TYRP1: variants seen among roughly 807,000 people sequenced by gnomAD.
The protein encoded by TYRP1 is 5,6-dihydroxyindole-2-carboxylic acid oxidase.
In TYRP1, 49 loss-of-function variants were observed where a neutral mutation model predicts 42.8. The ratio of observed to expected loss-of-function variants is 1.14; its 90% CI spans 0.91 to 1.45. TYRP1 has a LOEUF of 1.45. TYRP1 is among the 40% of genes most tolerant of loss of function. The pLI, the probability that TYRP1 is intolerant of heterozygous loss-of-function variation, is 0.00. For synonymous variants in TYRP1, 279 were observed against 235.4 expected (o/e 1.19, Z -1.69); for missense variants, 848 against 662.0 (o/e 1.28, Z -3.08).
At chr9:12,708,366 C>T (rs1246420209) in intron 7 of TYRP1, among the ~76,000 whole-genome samples, 3 of 151,874 alleles carry the variant, frequency 2.0e-5, no homozygotes, top group South Asian at 4.1e-4. Flanking sequence ...TCATTTAATC[C>T]TCACAATGCT....
chr9:12,708,995 CTGAGA>C lies in TYRP1; in HGVS notation c.1429_1433del (p.Glu477AsnfsTer31), dbSNP rs1254656494. ...CAAATAGGTCGGGAGTTTAGTGTAC[CTGAGA>C]TAATTGCCATAGCAGTAGTTGGCGC... On this transcript the variant is annotated frameshift_variant, in exon 8 of 8. Coordinates refer to ENST00000388918, the MANE Select transcript of TYRP1 (RefSeq NM_000550.3). LOFTEE classifies it low-confidence loss of function (END_TRUNC). 1.2e-6 allele frequency: 2 copies of C among 1,612,226 alleles called. No homozygotes were observed. The highest frequency in any genetic ancestry group is 2.7e-5 in the African/African-American group (2 of 74,756).
rs990957770 is a variant in TYRP1 at position 12,702,280 on chromosome 9, A to G, written c.923A>G (p.Asp308Gly). Residue 308 changes from aspartate (D) to glycine (G), a missense_variant, in exon 5 of 8, where the codon GAT becomes GGT. Asp to Gly is a moderately conservative substitution (Grantham distance 94). Transcript: ENST00000388918. ...TLGTLCNSTE[D>G]GPIRRNPAGN... ...CCATTTTTTTCTGCAGGCACCGAGGATGGGCCAATTAGGAGAAATCCAGCT... is the reference window on the plus strand; with the variant it reads ...CCATTTTTTTCTGCAGGCACCGAGGGTGGGCCAATTAGGAGAAATCCAGCT... 4.3e-6 allele frequency: 7 copies of G among 1,612,932 alleles called. No individual in the cohort carries two copies. The highest frequency in any genetic ancestry group is 5.9e-6 in the Non-Finnish European group (7 of 1,179,372).
rs1818229100 is a variant in TYRP1, at chr9:12,704,644, T to A, written c.1200T>A (p.Phe400Leu). 2.5e-6 allele frequency: 4 copies of A among 1,613,216 alleles called. No homozygotes were observed. In the South Asian group the frequency reaches 3.3e-5, roughly 13 times the overall value. ...ATTTGTCTCCAAATGATCCTATTTT[T>A]GTCCTCCTGCACACCTTCACAGATG... ...QTHLSPNDPI[F>L]VLLHTFTDAV... The change falls in exon 6 of 8, where the codon TTT becomes TTA. Residue 400 changes from phenylalanine to leucine, a missense_variant. Transcript: ENST00000388918.
chr9:12,703,883 A>ATGTGTATG (rs1554648024), intron 5 of TYRP1, among the ~76,000 whole-genome samples: 1 of 143,432 alleles, frequency 7.0e-6, no homozygotes. Context: ...ATATATATAT[A>ATGTGTATG]TGTGTGTGTG....
chr9:12,702,362 G>T lies in TYRP1; in HGVS notation c.1005G>T (p.Gln335His). The T allele has an allele frequency of 6.2e-7, 1 of 1,613,168 alleles. No homozygotes were observed. Among genetic ancestry groups the T allele is most frequent in the Non-Finnish European group, 8.5e-7 (1 of 1,179,504 alleles). ...QRLPEPQDVA[Q>H]CLEVGLFDTP... Reference sequence around the variant, plus strand: ...TTCCTGAACCACAGGATGTCGCTCAGTGCTTGGAAGTTGGTTTATTTGACA... The same window carrying T: ...TTCCTGAACCACAGGATGTCGCTCATTGCTTGGAAGTTGGTTTATTTGACA... The change falls in exon 5 of 8, where the codon CAG (glutamine) becomes CAT (histidine). Residue 335 changes from glutamine to histidine, a missense_variant. Coordinates refer to ENST00000388918, the MANE Select transcript of TYRP1 (RefSeq NM_000550.3).
chr9:12,704,748 A>T (rs749311565), intron 6 of TYRP1, 43 bp downstream of exon 6: 1 of 1,581,996 alleles, frequency 6.3e-7, no homozygotes, highest in Non-Finnish European at 8.7e-7. Context: ...AGCTGGGCGG[A>T]TTGTTTAGAT....
intron 6 of TYRP1, among the ~76,000 whole-genome samples, chr9:12,705,170 AAGT>A (rs1195980441): frequency 1.6e-4 from 25 of 152,200 alleles, no homozygotes; most frequent in African/African-American, 5.5e-4. Flanking sequence ...TCCACTTGAA[AAGT>A]TAATGTTGGC....
chr9:12,708,011 C>A lies in TYRP1; in HGVS notation c.1276C>A (p.Pro426Thr). 1 of 1,611,712 alleles carries A rather than the reference C, an allele frequency of 6.2e-7. No individual in the cohort carries two copies. The highest frequency in any genetic ancestry group is 8.5e-7 in the Non-Finnish European group (1 of 1,178,558). The change falls in exon 7 of 8, where the codon CCA becomes ACA. Residue 426 changes from proline (P) to threonine (T), a missense_variant. Pro to Thr is a conservative substitution (Grantham distance 38, BLOSUM62 -1). Transcript: ENST00000388918. Reference protein sequence around the residue: ...RRYNADISTFPLENAPIGHNR... With the variant: ...RRYNADISTFTLENAPIGHNR... The stretch of plus-strand genomic sequence containing the variant: ...GAATAATTTAGATATATCCACATTT[C>A]CATTGGAAAATGCCCCTATTGGACA...
chr9:12,707,843 C>A, intron 6 of TYRP1, 154 bp from the exon 7 acceptor site: 1 of 674,090 alleles, frequency 1.5e-6, no homozygotes, highest in Non-Finnish European at 2.5e-6. Flanking sequence ...ATTTCTCATC[C>A]TGCTGTAGTG....
chr9:12,704,520 G>T lies in TYRP1; in HGVS notation c.1082-6G>T. On this transcript the variant is annotated splice_polypyrimidine_tract_variant and splice_region_variant and intron_variant, in intron 5 of 7. Transcript: ENST00000388918. ...TTTACTATTCTCCTCCTTACCATGTGTCTAGGTTACAGTGACCCCACGGGA... is the reference window on the plus strand; with the variant it reads ...TTTACTATTCTCCTCCTTACCATGTTTCTAGGTTACAGTGACCCCACGGGA... The T allele has an allele frequency of 6.2e-7, 1 of 1,610,846 alleles. No homozygotes were observed. Among genetic ancestry groups the T allele is most frequent in the South Asian group, 1.1e-5 (1 of 91,052 alleles).
chr9:12,704,561 G>A lies in TYRP1; in HGVS notation c.1117G>A (p.Val373Ile), dbSNP rs146467307. ...SDPTGKYDPAVRSLHNLAHLF... is the reference protein window; with the variant it reads ...SDPTGKYDPAIRSLHNLAHLF... ...CCCCACGGGAAAGTATGACCCTGCT[G>A]TTCGAAGTCTTCACAATTTGGCTCA... The change falls in exon 6 of 8, where the codon GTT becomes ATT. Residue 373 changes from valine to isoleucine, a missense_variant. Val to Ile is a conservative substitution (Grantham distance 29). Transcript: ENST00000388918. 5.6e-4 allele frequency: 911 copies of A among 1,612,924 alleles called. 3 individuals are homozygous for A. In the African/African-American group the frequency reaches 0.011, roughly 19 times the overall value.
In TYRP1 at chr9:12,710,017, C is replaced by CTTAA. The variant is rs1586848926; in HGVS notation, c.*838_*841dup. On this transcript the variant is annotated 3_prime_UTR_variant, in exon 8 of 8. Transcript: ENST00000388918. ...TATAAATAGTATTCCAATCACTGTG[C>CTTAA]TTAATTTAAATAGCATTATCTTATC... 1 of 151,724 alleles carries CTTAA rather than the reference C, an allele frequency of 6.6e-6. No homozygotes were observed. Among genetic ancestry groups the CTTAA allele is most frequent in the African/African-American group, 2.4e-5 (1 of 41,382 alleles). The allele number at this position is 151,724 out of a possible 1,614,324, so 9.4% of individuals were successfully genotyped here. A position where few individuals can be genotyped will look rare whatever the true frequency, so the allele number is the denominator to read the frequency against.
rs1818043735 is a variant in TYRP1, at chr9:12,694,371, G to C, written c.375G>C (p.Arg125Ser). The C allele has an allele frequency of 6.2e-7, 1 of 1,613,758 alleles. No individual in the cohort carries two copies. Residue 125 changes from arginine (R) to serine (S), a missense_variant, in exon 2 of 8, where the codon AGG becomes AGC. Arg to Ser is a moderately radical substitution (Grantham distance 110). Coordinates refer to ENST00000388918, the MANE Select transcript of TYRP1 (RefSeq NM_000550.3). Reference protein sequence around the residue: ...PGWRGAACDQRVLIVRRNLLD... With the variant: ...PGWRGAACDQSVLIVRRNLLD... ...GGAGAGGAGCTGCCTGTGACCAGAGGGTTCTCATAGGTAAGTGGAGATATG... is the reference window on the plus strand; with the variant it reads ...GGAGAGGAGCTGCCTGTGACCAGAGCGTTCTCATAGGTAAGTGGAGATATG...
At chr9:12,698,328 T>G in intron 3 of TYRP1, 123 bp from the exon 4 acceptor site, 1 of 952,080 alleles carries the variant, frequency 1.1e-6, no homozygotes, top group African/African-American at 1.6e-5. Context: ...ACCGTTGATA[T>G]ACTAACCAGT....
chr9:12,709,838 C>T lies in TYRP1; in HGVS notation c.*656C>T, dbSNP rs1031225292. On this transcript the variant is annotated 3_prime_UTR_variant, in exon 8 of 8. Transcript: ENST00000388918. ...GGAAAATCTTCACTTTCTTAAGCAA[C>T]AATGGATATTGCCTGTGTTTGCCAC... 3 of 153,506 alleles carry T rather than the reference C, an allele frequency of 2.0e-5. No individual in the cohort carries two copies. The highest frequency in any genetic ancestry group is 4.3e-5 in the Non-Finnish European group (3 of 68,984). The allele number at this position is 153,506 out of a possible 1,614,324, so 9.5% of individuals were successfully genotyped here.
In TYRP1 at chr9:12,698,593, C is replaced by T. The variant is rs1818115717; in HGVS notation, c.851C>T (p.Ser284Phe). 4 of 1,613,698 alleles carry T rather than the reference C, an allele frequency of 2.5e-6. No individual in the cohort carries two copies. The highest frequency in any genetic ancestry group is 3.3e-5 in the Admixed American group (2 of 59,936). ...STLISPNSVF[S>F]QWRVVCDSLE... ...CTAATAAGCCCAAACTCTGTCTTTT[C>T]TCAATGGCGAGTGGTCTGTGACTCC... Residue 284 changes from serine (S) to phenylalanine (F), a missense_variant, in exon 4 of 8, where the codon TCT (serine) becomes TTT (phenylalanine). Ser to Phe is a radical substitution (Grantham distance 155). Transcript: ENST00000388918.
At chr9:12,699,034 T>C (rs189804634) in intron 4 of TYRP1, among the ~76,000 whole-genome samples, 6 of 151,752 alleles carry the variant, frequency 4.0e-5, no homozygotes, top group East Asian at 1.9e-4. Context: ...ATGTGAAAAA[T>C]AGGCAAAAAG....
At position 12,709,438 on chromosome 9, in the gene TYRP1, T is replaced by A; in HGVS notation, c.*256T>A. 2.1e-6 allele frequency: 1 copy of A among 484,604 alleles called. No homozygotes were observed. Among genetic ancestry groups the A allele is most frequent in the South Asian group, 2.2e-5 (1 of 45,604 alleles). 30.0% of individuals were successfully genotyped at this position (484,604 alleles called of 1,614,324 possible). Reference sequence around the variant, plus strand: ...ATGATATTTAAGGATAGTGTGAAGATCTTTGGCATGATTTAAAGGTTGAGT... The same window carrying A: ...ATGATATTTAAGGATAGTGTGAAGAACTTTGGCATGATTTAAAGGTTGAGT... On this transcript the variant is annotated 3_prime_UTR_variant, in exon 8 of 8. Coordinates refer to ENST00000388918, the MANE Select transcript of TYRP1 (RefSeq NM_000550.3).
At position 12,698,564 on chromosome 9, in the gene TYRP1, C is replaced by T; in HGVS notation, c.822C>T (p.Ser274=). 1.2e-6 allele frequency: 2 copies of T among 1,613,838 alleles called. No homozygotes were observed. Among genetic ancestry groups the T allele is most frequent in the Non-Finnish European group, 1.7e-6 (2 of 1,179,848 alleles). Residue 274 remains serine, a synonymous_variant, in exon 4 of 8, where the codon TCC becomes TCT. Transcript: ENST00000388918. The part of the protein sequence containing the change: ...DLMGSRSNFD[S]TLISPNSVFS... ...TGGGATCCAGAAGCAACTTTGATTC[C>T]ACTCTAATAAGCCCAAACTCTGTCT... is the stretch of plus-strand genomic sequence containing the variant.
Sources: gnomAD v4.1 joint callset for allele counts (sites outside exome capture counted in the v4.1 genomes callset) on GRCh38, gnomAD v4.1.1 for gene constraint, MANE v1.5 for transcripts, NCBI Gene and HGNC (gene_info 2026-07-23, HGNC 2026-07-21) for gene names.